Variants in KDM4C observed in about 807,000 individuals in gnomAD.
KDM4C encodes lysine demethylase 4C.
Under a neutral mutation model 129.3 loss-of-function variants are expected in KDM4C, and 81 were observed. The observed-to-expected ratio is 0.63, with a 90% CI of 0.52 to 0.75. KDM4C has a LOEUF of 0.75. KDM4C is among the 30% of genes least tolerant of loss of function. The pLI, the probability that KDM4C is intolerant of heterozygous loss-of-function variation, is 0.00. For missense variants in KDM4C, 1,457 were observed against 1,304.0 expected, an observed-to-expected ratio of 1.12 and a Z score of -1.81; for synonymous variants, 573 against 456.1, an observed-to-expected ratio of 1.26 and a Z score of -3.26.
At chr9:7,068,729 T>A (rs1372828667) in intron 17 of KDM4C, among the ~76,000 whole-genome samples, 1 of 137,516 alleles carries the variant, frequency 7.3e-6, no homozygotes, top group East Asian at 2.3e-4. Context: ...AGAATTTTGC[T>A]CTTGTCGCCC....
At chr9:6,767,075 A>G (rs1820772384) in intron 1 of KDM4C, among the ~76,000 whole-genome samples, 1 of 152,064 alleles carries the variant, frequency 6.6e-6, no homozygotes, top group Middle Eastern at 3.4e-3. Flanking sequence ...GGTGAACTGA[A>G]GTGTTTTTTT....
At chr9:6,840,470 C>G (rs181342248) in intron 4 of KDM4C, among the ~76,000 whole-genome samples, 9 of 152,118 alleles carry the variant, frequency 5.9e-5, no homozygotes, top group African/African-American at 2.2e-4. Flanking sequence ...GATCTTGGCT[C>G]ACTGTAACCT....
At chr9:7,168,136 C>T (rs772515397) in intron 20 of KDM4C, among the ~76,000 whole-genome samples, 2 of 152,038 alleles carry the variant, frequency 1.3e-5, no homozygotes, top group Non-Finnish European at 2.9e-5. Flanking sequence ...TGCAGTGAGC[C>T]GAGATCGCGC....
At chr9:6,869,474 ACT>A (rs1270450460) in intron 5 of KDM4C, among the ~76,000 whole-genome samples, 6 of 152,172 alleles carry the variant, frequency 3.9e-5, no homozygotes, top group Admixed American at 3.3e-4. Flanking sequence ...TGGGGAGTTC[ACT>A]CTGAGATTGT....
At chr9:6,773,608 T>C (rs1243027288) in intron 1 of KDM4C, among the ~76,000 whole-genome samples, 1 of 152,020 alleles carries the variant, frequency 6.6e-6, no homozygotes, top group Non-Finnish European at 1.5e-5. Flanking sequence ...TTGTTTCGAC[T>C]AAAAATACAA....
At chr9:6,804,856 A>G (rs1395043450) in intron 2 of KDM4C, among the ~76,000 whole-genome samples, 2 of 152,070 alleles carry the variant, frequency 1.3e-5, no homozygotes, top group Non-Finnish European at 2.9e-5. Flanking sequence ...TTCAATAAAG[A>G]TGAACTTCTT....
At chr9:6,998,160 A>T (rs768340132) in intron 12 of KDM4C, among the ~76,000 whole-genome samples, 1 of 152,208 alleles carries the variant, frequency 6.6e-6, no homozygotes, top group Non-Finnish European at 1.5e-5. Flanking sequence ...TTACACCCTG[A>T]TCCCTATCTC....
intron 8 of KDM4C, among the ~76,000 whole-genome samples, chr9:6,931,506 A>T (rs10815483): frequency 0.56 from 84,138 of 151,402 alleles, 24,441 homozygotes; most frequent in South Asian, 0.74. Context: ...ATATATATAT[A>T]TTTTTTTTTC....
chr9:6,988,389 T>G (rs1407986564), intron 11 of KDM4C, among the ~76,000 whole-genome samples: 2 of 152,030 alleles, frequency 1.3e-5, no homozygotes, highest in African/African-American at 2.4e-5. Context: ...TATCTTCATC[T>G]TTATCATTTC....
chr9:7,161,053 C>T (rs1272590141), intron 19 of KDM4C, among the ~76,000 whole-genome samples: 1 of 152,206 alleles, frequency 6.6e-6, no homozygotes, highest in African/African-American at 2.4e-5. Context: ...GCCTCTCCCC[C>T]AACCAGGCTG....
At chr9:7,078,422 C>G (rs1177972417) in intron 17 of KDM4C, among the ~76,000 whole-genome samples, 1 of 151,528 alleles carries the variant, frequency 6.6e-6, no homozygotes, top group African/African-American at 2.4e-5. Flanking sequence ...CACAGAGCCT[C>G]TGGGTTTTCT....
intron 4 of KDM4C, among the ~76,000 whole-genome samples, chr9:6,816,922 C>A (rs577814724): frequency 1.3e-5 from 2 of 150,232 alleles, no homozygotes; most frequent in Non-Finnish European, 3.0e-5. Flanking sequence ...CTTTATATAT[C>A]CTGCGTATGA....
chr9:6,722,582 C>T (rs1034482390), intron 1 of KDM4C, among the ~76,000 whole-genome samples: 5 of 151,404 alleles, frequency 3.3e-5, no homozygotes, highest in African/African-American at 4.9e-5. Context: ...GGCGCGATCT[C>T]GGCTCACTGC....
chr9:6,858,062 C>G (rs575725895), intron 5 of KDM4C, among the ~76,000 whole-genome samples: 56 of 151,800 alleles, frequency 3.7e-4, no homozygotes, highest in South Asian at 2.3e-3. Flanking sequence ...CTCAAGCACT[C>G]TTCCTGCCTT....
At chr9:6,957,812 C>A (rs1385470786) in intron 8 of KDM4C, among the ~76,000 whole-genome samples, 1 of 152,190 alleles carries the variant, frequency 6.6e-6, no homozygotes, top group Non-Finnish European at 1.5e-5. Flanking sequence ...CCTCTTGCTT[C>A]TTGGCTAGAA....
chr9:6,866,904 CATATAT>C (rs141311036), intron 5 of KDM4C, among the ~76,000 whole-genome samples: 32 of 131,076 alleles, frequency 2.4e-4, no homozygotes, highest in African/African-American at 7.7e-4. Context: ...TATATATATA[CATATAT>C]ATATATATAT....
chr9:7,147,941 G>T (rs145949713), intron 19 of KDM4C, among the ~76,000 whole-genome samples: 81 of 152,334 alleles, frequency 5.3e-4, no homozygotes, highest in African/African-American at 1.9e-3. Flanking sequence ...CAGCCCAGCA[G>T]GCTGTGCTCG....
intron 3 of KDM4C, among the ~76,000 whole-genome samples, chr9:6,807,345 C>G (rs910152273): frequency 6.5e-4 from 96 of 148,660 alleles, no homozygotes; most frequent in African/African-American, 2.0e-3. Flanking sequence ...GGCCGCCCAT[C>G]GTCTGGGATG....
intron 8 of KDM4C, among the ~76,000 whole-genome samples, chr9:6,972,397 G>A (rs1832153478): frequency 6.6e-6 from 1 of 151,768 alleles, no homozygotes; most frequent in South Asian, 2.1e-4. Flanking sequence ...CAGTTTACAT[G>A]GTTATACCAT....
Sources: gnomAD v4.1 joint callset for allele counts (sites outside exome capture counted in the v4.1 genomes callset) on GRCh38, gnomAD v4.1.1 for gene constraint, MANE v1.5 for transcripts, NCBI Gene and HGNC (gene_info 2026-07-23, HGNC 2026-07-21) for gene names.